The following RSBN1L variants were observed in gnomAD, a reference collection of about 807,000 sequenced individuals.
RSBN1L encodes the protein lysine-specific demethylase RSBN1L.
Under a neutral mutation model 67.7 loss-of-function variants are expected in RSBN1L, and 30 were observed. The ratio of observed to expected loss-of-function variants is 0.44; its 90% CI spans 0.33 to 0.60. RSBN1L has a LOEUF of 0.60. RSBN1L is among the 20% of genes least tolerant of loss of function. The pLI is 0.02. For missense variants in RSBN1L, 992 were observed against 1,031.7 expected, an observed-to-expected ratio of 0.96 and a Z score of 0.53; for synonymous variants, 433 against 387.0, an observed-to-expected ratio of 1.12 and a Z score of -1.39.
At chr7:77,703,238 G>A (rs759709630) in intron 1 of RSBN1L, among the ~76,000 whole-genome samples, 1 of 152,062 alleles carries the variant, frequency 6.6e-6, no homozygotes, top group Non-Finnish European at 1.5e-5. Context: ...GTTTCCTTAG[G>A]AGTGTGTGTT....
chr7:77,751,164 T>C (rs1791551750), intron 3 of RSBN1L, among the ~76,000 whole-genome samples: 1 of 152,042 alleles, frequency 6.6e-6, no homozygotes, highest in Non-Finnish European at 1.5e-5. Flanking sequence ...TTTTGTTTTT[T>C]GTTTTTTGAG....
intron 1 of RSBN1L, among the ~76,000 whole-genome samples, chr7:77,723,439 A>G (rs1418914777): frequency 6.6e-6 from 1 of 152,200 alleles, no homozygotes; most frequent in Non-Finnish European, 1.5e-5. Context: ...GTGTATGCAT[A>G]TTCAGAATAC....
At chr7:77,751,150 GTTTTTT>G (rs1791551372) in intron 3 of RSBN1L, among the ~76,000 whole-genome samples, 1 of 121,706 alleles carries the variant, frequency 8.2e-6, no homozygotes, top group East Asian at 2.0e-4. Flanking sequence ...ATAATGTGGT[GTTTTTT>G]TGTTTTTTGT....
chr7:77,704,549 T>C (rs1790863089), intron 1 of RSBN1L, among the ~76,000 whole-genome samples: 1 of 152,236 alleles, frequency 6.6e-6, no homozygotes, highest in African/African-American at 2.4e-5. Context: ...ACAGTTTTTT[T>C]CACCTCCGCT....
At chr7:77,729,931 G>A (rs1325790867) in intron 1 of RSBN1L, among the ~76,000 whole-genome samples, 1 of 152,184 alleles carries the variant, frequency 6.6e-6, no homozygotes, top group African/African-American at 2.4e-5. Flanking sequence ...TCCAGTCCAT[G>A]TGACAGAGCA....
At chr7:77,718,682 T>G (rs1791078540) in intron 1 of RSBN1L, among the ~76,000 whole-genome samples, 1 of 152,222 alleles carries the variant, frequency 6.6e-6, no homozygotes, top group Non-Finnish European at 1.5e-5. Context: ...AACTTTTTCA[T>G]TATCTATAAT....
intron 1 of RSBN1L, among the ~76,000 whole-genome samples, chr7:77,722,072 T>G (rs1791127412): frequency 6.6e-6 from 1 of 152,200 alleles, no homozygotes; most frequent in African/African-American, 2.4e-5. Flanking sequence ...GAAGTATTAT[T>G]AGTGTTACTG....
intron 1 of RSBN1L, among the ~76,000 whole-genome samples, chr7:77,730,783 C>T (rs1258182644): frequency 2.6e-5 from 4 of 152,214 alleles, no homozygotes; most frequent in Admixed American, 6.5e-5. Flanking sequence ...ACCTAAAGGA[C>T]ATCATGGTTG....
intron 3 of RSBN1L, 74 bp downstream of exon 3, chr7:77,750,138 A>ATT (rs2150426008): frequency 1.2e-6 from 1 of 847,894 alleles, no homozygotes; most frequent in African/African-American, 1.7e-5. Context: ...TTTGTTCCTA[A>ATT]TTATAGGGCT....
chr7:77,762,820 T>TAA (rs1239413289), intron 3 of RSBN1L, among the ~76,000 whole-genome samples: 1 of 152,202 alleles, frequency 6.6e-6, no homozygotes, highest in Non-Finnish European at 1.5e-5. Context: ...AATAATGTTA[T>TAA]AGTTTTTTGG....
chr7:77,754,496 A>G (rs1791592416), intron 3 of RSBN1L, among the ~76,000 whole-genome samples: 1 of 152,088 alleles, frequency 6.6e-6, no homozygotes, highest in African/African-American at 2.4e-5. Context: ...CAGATTTTTA[A>G]GATTTATTCC....
At chr7:77,738,114 A>G (rs1791360848) in intron 2 of RSBN1L, among the ~76,000 whole-genome samples, 1 of 151,952 alleles carries the variant, frequency 6.6e-6, no homozygotes, top group African/African-American at 2.4e-5. Context: ...TTAATCAAAT[A>G]GTTTTCTTAT....
intron 6 of RSBN1L, 112 bp downstream of exon 6, chr7:77,773,426 C>T (rs192066490): frequency 1.4e-4 from 100 of 699,086 alleles, no homozygotes; most frequent in East Asian, 8.2e-4. Flanking sequence ...ATTTTTTACC[C>T]GTATTTGGAT....
intron 1 of RSBN1L, among the ~76,000 whole-genome samples, chr7:77,716,260 C>T (rs189783199): frequency 7.9e-4 from 120 of 152,164 alleles, no homozygotes; most frequent in African/African-American, 2.6e-3. Context: ...TGAAAACTTC[C>T]GTCTGTAAGG....
At position 77,708,383 on chromosome 7, in the gene RSBN1L, C is replaced by CT. The variant is rs1305695156; in HGVS notation, c.586+11329dup. Among the ~76,000 whole-genome samples, 65 of 112,888 alleles carry CT rather than the reference C, an allele frequency of 5.8e-4. 1 individual carries two copies. Among genetic ancestry groups the CT allele is most frequent in the Admixed American group, 2.9e-3 (33 of 11,470 alleles). 74.1% of individuals were successfully genotyped at this position (112,888 alleles called of 152,430 possible). On this transcript the variant is annotated intron_variant, in intron 1 of 7. Coordinates refer to ENST00000334955, the MANE Select transcript of RSBN1L (RefSeq NM_198467.3). ...GTGCCTTCCTTTTGCCAGGATGAGA[C>CT]TATTTTTTTTTTTTTTTGAGATAAG...
chr7:77,758,371 A>G (rs1187844584), intron 3 of RSBN1L, among the ~76,000 whole-genome samples: 1 of 152,194 alleles, frequency 6.6e-6, no homozygotes, highest in African/African-American at 2.4e-5. Context: ...GTGGGTACAT[A>G]GTAGATGTAT....
intron 3 of RSBN1L, among the ~76,000 whole-genome samples, chr7:77,760,506 A>G (rs946929634): frequency 6.6e-6 from 1 of 152,216 alleles, no homozygotes; most frequent in South Asian, 2.1e-4. Context: ...CATAATTATC[A>G]TGCCTGTCTT....
At chr7:77,732,569 G>C (rs1791285280) in intron 1 of RSBN1L, among the ~76,000 whole-genome samples, 1 of 152,070 alleles carries the variant, frequency 6.6e-6, no homozygotes, top group Admixed American at 6.6e-5. Context: ...CCTGATATCA[G>C]ACAATCCACC....
chr7:77,756,606 T>G (rs2150428242), intron 3 of RSBN1L, among the ~76,000 whole-genome samples: 1 of 151,900 alleles, frequency 6.6e-6, no homozygotes, highest in East Asian at 1.9e-4. Context: ...GAAACTCCGT[T>G]TCTAATAAAA....
Sources: allele counts gnomAD v4.1 joint callset (sites outside exome capture counted in the v4.1 genomes callset), GRCh38; gene constraint gnomAD v4.1.1; transcripts MANE v1.5; gene names NCBI Gene and HGNC (gene_info 2026-07-23, HGNC 2026-07-21).